TRPC4: variants seen among roughly 807,000 people sequenced by gnomAD.
TRPC4 encodes transient receptor potential cation channel subfamily C member 4.
TRPC4 carries 49 observed loss-of-function variants against 99.4 expected under a neutral mutation model. The observed-to-expected ratio is 0.49, with a 90% CI of 0.39 to 0.63. TRPC4 has a LOEUF of 0.63. Ranked by LOEUF, TRPC4 falls within the 20% of genes least tolerant of loss-of-function variation. TRPC4 has a pLI of 0.00. For synonymous variants in TRPC4, 454 were observed against 425.9 expected (o/e 1.07, Z -0.81); for missense variants, 898 against 1,152.9 (o/e 0.78, Z 3.20).
intron 1 of TRPC4, among the ~76,000 whole-genome samples, chr13:37,839,039 G>T (rs1441135400): frequency 1.3e-5 from 2 of 152,094 alleles, no homozygotes; most frequent in East Asian, 1.9e-4. Flanking sequence ...GTTAGTCTGA[G>T]AATTAAATAA....
intron 2 of TRPC4, among the ~76,000 whole-genome samples, chr13:37,760,292 C>T (rs1212180456): frequency 2.0e-5 from 3 of 151,910 alleles, no homozygotes; most frequent in Non-Finnish European, 4.4e-5. Flanking sequence ...ATTAAACTTT[C>T]CATACAGCTT....
intron 1 of TRPC4, among the ~76,000 whole-genome samples, chr13:37,825,487 G>A (rs1263154866): frequency 6.6e-6 from 1 of 151,988 alleles, no homozygotes; most frequent in Non-Finnish European, 1.5e-5. Flanking sequence ...TGTTCTCATT[G>A]GTTTCAAAGA....
intron 8 of TRPC4, among the ~76,000 whole-genome samples, chr13:37,649,760 AC>A (rs1310694474): frequency 0.067 from 4,318 of 64,840 alleles, 349 homozygotes; most frequent in East Asian, 0.23. Flanking sequence ...AAAAAAAAAA[AC>A]AACAACAAAG....
In TRPC4 at chr13:37,766,930, A is replaced by G. The variant is rs920644860; in HGVS notation, c.378+16026T>C. On this transcript the variant is annotated intron_variant, in intron 2 of 10. Transcript: ENST00000379705. ...TACTCTAATGATATTAAAAATAAAG[A>G]TACAGAAAATGGTTGTGATTGTTTT... 3.3e-5 allele frequency among the ~76,000 whole-genome samples: 5 copies of G among 151,496 alleles called. No homozygotes were observed. In the Admixed American group the frequency reaches 3.3e-4, roughly 10 times the overall value.
chr13:37,692,905 G>T lies in TRPC4; in HGVS notation c.898-570C>A, dbSNP rs141547875. ...GAGGCAATATGAAAAACAGATGAAA[G>T]AAAGTAGTATTCACCAGAATGTTAA... On this transcript the variant is annotated intron_variant, in intron 3 of 10. Coordinates refer to ENST00000379705, the MANE Select transcript of TRPC4 (RefSeq NM_016179.4). 6.0e-3 allele frequency among the ~76,000 whole-genome samples: 917 copies of T among 152,238 alleles called. 12 individuals carry two copies. Among genetic ancestry groups the T allele is most frequent in the African/African-American group, 0.021 (886 of 41,560 alleles).
chr13:37,849,418 C>A (rs1458372854), intron 1 of TRPC4, among the ~76,000 whole-genome samples: 1 of 152,062 alleles, frequency 6.6e-6, no homozygotes, highest in South Asian at 2.1e-4. Context: ...AACTCCTTCC[C>A]ATGGTGGTAG....
Position 37,783,089 on chromosome 13 carries a change from T to C in TRPC4, c.245A>G (p.Asn82Ser). Residue 82 changes from asparagine (N) to serine (S), a missense_variant, in exon 2 of 11, where the codon AAC becomes AGC. Asn to Ser is a conservative substitution (Grantham distance 46). Transcript: ENST00000379705. ...TAAGAGTAGTTCGATGAGCTCCAAG[T>C]TCTCATTTTCAATTGCAATGAGGAG... Reference protein sequence around the residue: ...TALLIAIENENLELIELLLSF... With the variant: ...TALLIAIENESLELIELLLSF... 6.2e-7 allele frequency: 1 copy of C among 1,613,430 alleles called. No homozygotes were observed. Among genetic ancestry groups the C allele is most frequent in the African/African-American group, 1.3e-5 (1 of 75,034 alleles).
chr13:37,806,084 G>A (rs1388390475), intron 1 of TRPC4, among the ~76,000 whole-genome samples: 4 of 151,954 alleles, frequency 2.6e-5, no homozygotes, highest in Admixed American at 2.6e-4. Context: ...AAAGAAGCAT[G>A]CCTTTATTGA....
At chr13:37,715,563 G>A (rs1367082681) in intron 3 of TRPC4, among the ~76,000 whole-genome samples, 1 of 152,022 alleles carries the variant, frequency 6.6e-6, no homozygotes, top group Non-Finnish European at 1.5e-5. Flanking sequence ...TCTTCCTGCC[G>A]TCCCATCCCA....
intron 1 of TRPC4, among the ~76,000 whole-genome samples, chr13:37,830,103 A>C (rs1958373053): frequency 6.6e-6 from 1 of 152,052 alleles, no homozygotes; most frequent in South Asian, 2.1e-4. Flanking sequence ...TATATTAAAA[A>C]CTATTAAATT....
At chr13:37,804,170 C>G (rs1957473226) in intron 1 of TRPC4, among the ~76,000 whole-genome samples, 1 of 152,072 alleles carries the variant, frequency 6.6e-6, no homozygotes, top group South Asian at 2.1e-4. Context: ...AGAGAAGGAT[C>G]AGCGTAATGA....
chr13:37,647,577 A>G (rs969657184), intron 8 of TRPC4, among the ~76,000 whole-genome samples: 1 of 152,240 alleles, frequency 6.6e-6, no homozygotes, highest in Non-Finnish European at 1.5e-5. Flanking sequence ...TGGAAGACCC[A>G]GCAATTTCCC....
At chr13:37,639,552 A>T (rs745492863) in intron 8 of TRPC4, among the ~76,000 whole-genome samples, 29 of 152,102 alleles carry the variant, frequency 1.9e-4, no homozygotes, top group Admixed American at 1.8e-3. Context: ...TACAGGACAC[A>T]GGATGAAGGA....
At chr13:37,687,730 C>G (rs1247068738) in intron 4 of TRPC4, among the ~76,000 whole-genome samples, 1 of 152,112 alleles carries the variant, frequency 6.6e-6, no homozygotes, top group African/African-American at 2.4e-5. Flanking sequence ...CGTAAAAGTA[C>G]CCAAGTCTCT....
At chr13:37,816,599 T>C (rs1465268235) in intron 1 of TRPC4, among the ~76,000 whole-genome samples, 3 of 151,892 alleles carry the variant, frequency 2.0e-5, no homozygotes. Context: ...CCAATATCCT[T>C]GAAGAACATT....
intron 5 of TRPC4, among the ~76,000 whole-genome samples, chr13:37,667,947 T>C (rs962002427): frequency 8.5e-5 from 13 of 152,206 alleles, no homozygotes; most frequent in African/African-American, 2.9e-4. Context: ...CTGCTCTGTG[T>C]CAGGCACTGT....
At chr13:37,717,997 C>A (rs1193526019) in intron 3 of TRPC4, among the ~76,000 whole-genome samples, 1 of 152,026 alleles carries the variant, frequency 6.6e-6, no homozygotes, top group South Asian at 2.1e-4. Flanking sequence ...TAGCTAGTAG[C>A]CTGAGGGCAG....
intron 3 of TRPC4, among the ~76,000 whole-genome samples, chr13:37,707,464 A>T (rs1283290269): frequency 6.6e-6 from 1 of 152,164 alleles, no homozygotes; most frequent in African/African-American, 2.4e-5. Flanking sequence ...TTCAATAATT[A>T]TCTTTAAATG....
intron 8 of TRPC4, among the ~76,000 whole-genome samples, chr13:37,640,218 G>T (rs1021005660): frequency 6.6e-6 from 1 of 152,002 alleles, no homozygotes; most frequent in Non-Finnish European, 1.5e-5. Context: ...GGTAAATTGT[G>T]AGAAAGCAAA....
Sources: gnomAD v4.1 joint callset for allele counts (sites outside exome capture counted in the v4.1 genomes callset) on GRCh38, gnomAD v4.1.1 for gene constraint, MANE v1.5 for transcripts, NCBI Gene and HGNC (gene_info 2026-07-23, HGNC 2026-07-21) for gene names.